The following ARID1A variants were observed in gnomAD, a reference collection of about 807,000 sequenced individuals.
The protein encoded by ARID1A is AT-rich interactive domain-containing protein 1A.
In ARID1A, 20 loss-of-function variants were observed where a neutral mutation model predicts 212.6. The ratio of observed to expected loss-of-function variants is 0.09; its 90% CI spans 0.07 to 0.14. ARID1A has a LOEUF of 0.14. Among genes scored for constraint, ARID1A ranks in the 10% least tolerant of loss-of-function variants. The pLI is 1.00. For synonymous variants in ARID1A, 1,376 were observed against 1,222.1 expected (o/e 1.13, Z -2.63); for missense variants, 2,587 against 3,059.0 (o/e 0.85, Z 3.64).
chr1:26,730,856 T>G (rs1306450946), intron 2 of ARID1A, among the ~76,000 whole-genome samples: 1 of 152,124 alleles, frequency 6.6e-6, no homozygotes, highest in East Asian at 1.9e-4. Flanking sequence ...ATAAAAAGAG[T>G]TAGGCTCACT....
At chr1:26,748,003 G>A (rs2080853416) in intron 4 of ARID1A, among the ~76,000 whole-genome samples, 1 of 152,186 alleles carries the variant, frequency 6.6e-6, no homozygotes, top group Admixed American at 6.5e-5. Flanking sequence ...TCTGGTTTAA[G>A]ATTCTATCCA....
rs201064943 is a variant in ARID1A, at chr1:26,779,855, A to G, written c.5957A>G (p.Asn1986Ser). 6 of 1,614,100 alleles carry G rather than the reference A, an allele frequency of 3.7e-6. No homozygotes were observed. The highest frequency in any genetic ancestry group is 2.2e-5 in the East Asian group (1 of 44,876). ...SLAKRCVCVS[N>S]TIRSLSFVPG... ...GCCAAGCGCTGCGTCTGTGTGTCCA[A>G]TACCATTCGAAGCCTGTCATTTGTG... is the stretch of plus-strand genomic sequence containing the variant. Residue 1986 changes from asparagine to serine, a missense_variant, in exon 20 of 20, where the codon AAT (asparagine) becomes AGT (serine). Coordinates refer to ENST00000324856, the MANE Select transcript of ARID1A (RefSeq NM_006015.6).
At chr1:26,773,320 T>A (rs748821492) in intron 14 of ARID1A, 26 bp from the exon 15 acceptor site, 1 of 1,543,554 alleles carries the variant, frequency 6.5e-7, no homozygotes, top group South Asian at 1.3e-5. Context: ...TACCAGTTTG[T>A]TCACCGCTTG....
At chr1:26,760,251 C>G (rs1009600258) in intron 4 of ARID1A, among the ~76,000 whole-genome samples, 2 of 152,306 alleles carry the variant, frequency 1.3e-5, no homozygotes, top group East Asian at 3.9e-4. Context: ...AAAACTCAGT[C>G]ACACCATTGT....
chr1:26,735,418 G>A (rs945547723), intron 4 of ARID1A, among the ~76,000 whole-genome samples: 5 of 152,212 alleles, frequency 3.3e-5, no homozygotes, highest in South Asian at 4.1e-4. Flanking sequence ...TCAGCCTCCC[G>A]AGTAGCTGGG....
At chr1:26,735,096 A>C (rs2080716395) in intron 4 of ARID1A, among the ~76,000 whole-genome samples, 1 of 151,424 alleles carries the variant, frequency 6.6e-6, no homozygotes, top group Non-Finnish European at 1.5e-5. Flanking sequence ...TTTTTTGTTA[A>C]TCTTAGAATA....
At chr1:26,734,678 A>G (rs1294729377) in intron 4 of ARID1A, among the ~76,000 whole-genome samples, 1 of 152,232 alleles carries the variant, frequency 6.6e-6, no homozygotes, top group African/African-American at 2.4e-5. Context: ...AAAAGTGGTT[A>G]TTCTTTGAAA....
intron 11 of ARID1A, 47 bp downstream of exon 11, chr1:26,768,046 C>T (rs2124088343): frequency 1.3e-6 from 2 of 1,579,542 alleles, no homozygotes; most frequent in Non-Finnish European, 8.7e-7. Flanking sequence ...TTCCACAAAC[C>T]CCTTTCTAGG....
chr1:26,712,153 A>G (rs993039078), intron 1 of ARID1A, among the ~76,000 whole-genome samples: 4 of 152,154 alleles, frequency 2.6e-5, no homozygotes, highest in African/African-American at 9.7e-5. Flanking sequence ...CTTTTCCAAG[A>G]AAGTGATTCT....
chr1:26,700,697 A>G (rs1365447163), intron 1 of ARID1A, among the ~76,000 whole-genome samples: 3 of 152,258 alleles, frequency 2.0e-5, no homozygotes, highest in Non-Finnish European at 4.4e-5. Flanking sequence ...GAAACATCAA[A>G]TGATATTTCT....
rs1323401843 is a variant in ARID1A at position 26,696,892 on chromosome 1, C to G, written c.489C>G (p.Ala163=). Residue 163 remains alanine (A), a synonymous_variant, in exon 1 of 20, where the codon GCC becomes GCG. Transcript: ENST00000324856. ...PYGRSPSAVA[A]AAAAVFHQQH... ...GCCGGAGCCCGTCTGCCGTCGCCGC[C>G]GCCGCGGCCGCCGTCTTCCACCAAC... is the stretch of plus-strand genomic sequence containing the variant. 7.3e-7 allele frequency: 1 copy of G among 1,367,258 alleles called. No individual in the cohort carries two copies. The highest frequency in any genetic ancestry group is 9.4e-7 in the Non-Finnish European group (1 of 1,060,440). 84.7% of individuals were successfully genotyped at this position (1,367,258 alleles called of 1,614,324 possible). A position where few individuals can be genotyped will look rare whatever the true frequency, so the allele number is the denominator to read the frequency against.
At chr1:26,712,435 C>T (rs1181477731) in intron 1 of ARID1A, among the ~76,000 whole-genome samples, 2 of 151,786 alleles carry the variant, frequency 1.3e-5, no homozygotes, top group Admixed American at 6.6e-5. Flanking sequence ...TTGTAATCCC[C>T]GTGCTTTATG....
chr1:26,715,784 G>C (rs2080496659), intron 1 of ARID1A, among the ~76,000 whole-genome samples: 1 of 151,758 alleles, frequency 6.6e-6, no homozygotes, highest in African/African-American at 2.4e-5. Flanking sequence ...GAGGCAGGAA[G>C]ATCACATGAG....
intron 1 of ARID1A, among the ~76,000 whole-genome samples, chr1:26,726,170 T>G (rs917131963): frequency 2.7e-5 from 4 of 147,458 alleles, no homozygotes; most frequent in African/African-American, 1.0e-4. Flanking sequence ...GTTTGTTTTT[T>G]TTTGTTTTTT....
chr1:26,722,187 A>G lies in ARID1A; in HGVS notation c.1138-7464A>G, dbSNP rs148823190. Among the ~76,000 whole-genome samples the G allele has an allele frequency of 3.3e-5, 5 of 152,286 alleles. No individual in the cohort carries two copies. The East Asian group carries it at 7.7e-4, about 24-fold the overall frequency. Reference sequence around the variant, plus strand: ...CAAAGGGGAATGTGTCTGATCTTCTAGAATGGTTTCTGTAAGCAGAATGGG... The same window carrying G: ...CAAAGGGGAATGTGTCTGATCTTCTGGAATGGTTTCTGTAAGCAGAATGGG... On this transcript the variant is annotated intron_variant, in intron 1 of 19. Coordinates refer to ENST00000324856, the MANE Select transcript of ARID1A (RefSeq NM_006015.6).
At chr1:26,712,217 C>T (rs1305513166) in intron 1 of ARID1A, among the ~76,000 whole-genome samples, 2 of 152,172 alleles carry the variant, frequency 1.3e-5, no homozygotes, top group East Asian at 3.8e-4. Context: ...GCCATGATGT[C>T]CCTTTTGCCT....
chr1:26,751,301 T>G (rs1570593573), intron 4 of ARID1A, among the ~76,000 whole-genome samples: 1 of 151,840 alleles, frequency 6.6e-6, no homozygotes, highest in Admixed American at 6.6e-5. Context: ...TTTGTAGAGT[T>G]TGATTATCTA....
Position 26,704,469 on chromosome 1 carries a change from G to C in ARID1A, c.1137+6929G>C, listed in dbSNP as rs550998270. ...CTGAGGAGCTGGGAGCTGTGTTCAAGTCAAGTTGCTTGTGTTAGACCTTAT... is the reference window on the plus strand; with the variant it reads ...CTGAGGAGCTGGGAGCTGTGTTCAACTCAAGTTGCTTGTGTTAGACCTTAT... On this transcript the variant is annotated intron_variant, in intron 1 of 19. Coordinates refer to ENST00000324856, the MANE Select transcript of ARID1A (RefSeq NM_006015.6). Among the ~76,000 whole-genome samples the C allele has an allele frequency of 2.0e-5, 3 of 152,298 alleles. No homozygotes were observed. In the East Asian group the frequency reaches 5.8e-4, roughly 29 times the overall value.
rs567162533 is a variant in ARID1A, at chr1:26,781,985, CTT to C, written c.*1230_*1231del. On this transcript the variant is annotated 3_prime_UTR_variant, in exon 20 of 20. Coordinates refer to ENST00000324856, the MANE Select transcript of ARID1A (RefSeq NM_006015.6). ...TTGTATTTCAACAATGTAGCTAAAA[CTT>C]GATGTAAATTCCTCCTTTTTTTCCT... The C allele has an allele frequency of 1.4e-3, 326 of 233,376 alleles. 1 individual carries two copies. Among genetic ancestry groups the C allele is most frequent in the African/African-American group, 6.3e-3 (287 of 45,442 alleles). The allele number at this position is 233,376 out of a possible 1,614,324, so 14.5% of individuals were successfully genotyped here. A position where few individuals can be genotyped will look rare whatever the true frequency, so the allele number is the denominator to read the frequency against.
Sources: gnomAD v4.1 joint callset for allele counts (sites outside exome capture counted in the v4.1 genomes callset) on GRCh38, gnomAD v4.1.1 for gene constraint, MANE v1.5 for transcripts, NCBI Gene and HGNC (gene_info 2026-07-23, HGNC 2026-07-21) for gene names.